TENM1: variants seen among roughly 807,000 people sequenced by gnomAD.
The protein encoded by TENM1 is teneurin-1.
Under a neutral mutation model 174.8 loss-of-function variants are expected in TENM1, and 35 were observed. The observed-to-expected ratio is 0.20, with a 90% CI of 0.15 to 0.27. TENM1 has a LOEUF of 0.27. Ranked by LOEUF, TENM1 falls within the 10% of genes least tolerant of loss-of-function variation. The pLI is 1.00. For missense variants in TENM1, 1,633 were observed against 2,130.1 expected (o/e 0.77, Z 4.59); for synonymous variants, 781 against 798.7 (o/e 0.98, Z 0.37).
intron 11 of TENM1, among the ~76,000 whole-genome samples, chrX:124,609,556 A>G (rs985167766): frequency 8.9e-6 from 1 of 111,984 alleles, no homozygotes; most frequent in African/African-American, 3.2e-5. Flanking sequence ...TCAAAACTGT[A>G]GCAATACCAA....
At chrX:125,079,902 A>G in the TENM1 span, among the ~76,000 whole-genome samples, 4 of 111,678 alleles carry the variant, frequency 3.6e-5, no homozygotes, top group South Asian at 1.5e-3. Flanking sequence ...ACTCGCCTCC[A>G]AATTCTCTCT....
chrX:124,402,465 A>C (rs2060411077), intron 27 of TENM1, among the ~76,000 whole-genome samples: 1 of 112,144 alleles, frequency 8.9e-6, no homozygotes, highest in South Asian at 3.7e-4. Context: ...ATTAGTACTA[A>C]CTAAACACTT....
chrX:124,565,832 T>C (rs972361140), intron 11 of TENM1, among the ~76,000 whole-genome samples: 3 of 111,328 alleles, frequency 2.7e-5, no homozygotes, highest in South Asian at 7.5e-4. Context: ...AAAATGTTAA[T>C]AAACAATTTA....
chrX:125,203,406 A>G, the TENM1 span, among the ~76,000 whole-genome samples: 3 of 112,279 alleles, frequency 2.7e-5, no homozygotes, highest in Non-Finnish European at 5.6e-5. Context: ...TGTTAGAGTG[A>G]CTGGGCTCTG....
At chrX:124,829,652 T>C (rs766419510) in intron 3 of TENM1, among the ~76,000 whole-genome samples, 10 of 112,011 alleles carry the variant, frequency 8.9e-5, no homozygotes, top group African/African-American at 1.9e-4. Flanking sequence ...CATAGACTAG[T>C]GGCCTCTACT....
chrX:125,091,243 A>G, the TENM1 span, among the ~76,000 whole-genome samples: 1 of 111,704 alleles, frequency 9.0e-6, no homozygotes, highest in Non-Finnish European at 1.9e-5. Flanking sequence ...GCTTGATAAC[A>G]TTTTAAAGAC....
At chrX:124,710,149 C>A (rs777112826) in intron 4 of TENM1, among the ~76,000 whole-genome samples, 1 of 110,529 alleles carries the variant, frequency 9.0e-6, no homozygotes, top group Non-Finnish European at 1.9e-5. Context: ...GTTTTTTTCC[C>A]CTTTGACCAT....
At chrX:124,519,935 G>A (rs2047803013) in intron 18 of TENM1, among the ~76,000 whole-genome samples, 1 of 111,575 alleles carries the variant, frequency 9.0e-6, no homozygotes, top group African/African-American at 3.3e-5. Flanking sequence ...CCTTTTGTCT[G>A]GGAGAATTAA....
At chrX:124,780,008 A>G (rs2054871989) in intron 3 of TENM1, among the ~76,000 whole-genome samples, 1 of 111,043 alleles carries the variant, frequency 9.0e-6, no homozygotes, top group East Asian at 2.8e-4. Context: ...AAAACACAAA[A>G]GAGGTTTTAG....
chrX:125,040,921 G>T, the TENM1 span, among the ~76,000 whole-genome samples: 2 of 111,250 alleles, frequency 1.8e-5, no homozygotes, highest in Admixed American at 1.9e-4. Context: ...GTAATCTTCT[G>T]GAGTTGGAAG....
intron 3 of TENM1, among the ~76,000 whole-genome samples, chrX:124,737,954 G>C (rs943106243): frequency 1.8e-5 from 2 of 112,026 alleles, no homozygotes; most frequent in Admixed American, 9.4e-5. Context: ...GTTTGCAGAG[G>C]GGCAGCCTGG....
chrX:124,820,751 G>A (rs1362906027), intron 3 of TENM1, among the ~76,000 whole-genome samples: 1 of 112,203 alleles, frequency 8.9e-6, no homozygotes, highest in African/African-American at 3.2e-5. Flanking sequence ...GTAAACTAAG[G>A]CCTAGAGAGA....
At position 124,475,206 on chromosome X, in the gene TENM1, C is replaced by T. The variant is rs767001598; in HGVS notation, c.3949+6526G>A. Reference sequence around the variant, plus strand: ...ATCAAGATGAAGAATCATCACTCTTCTAGCTTCTCCTACTACAAACTGATC... The same window carrying T: ...ATCAAGATGAAGAATCATCACTCTTTTAGCTTCTCCTACTACAAACTGATC... On this transcript the variant is annotated intron_variant, in intron 22 of 31. Transcript: ENST00000422452. Among the ~76,000 whole-genome samples the T allele has an allele frequency of 2.7e-5, 3 of 111,098 alleles. No individual in the cohort carries two copies. The South Asian group carries it at 1.2e-3, about 43-fold the overall frequency.
intron 23 of TENM1, among the ~76,000 whole-genome samples, chrX:124,432,016 T>C (rs896745461): frequency 8.9e-6 from 1 of 112,232 alleles, no homozygotes; most frequent in Non-Finnish European, 1.9e-5. Flanking sequence ...GCAGAGGATA[T>C]AGATTAAATT....
At chrX:125,127,320 A>G in the TENM1 span, among the ~76,000 whole-genome samples, 1 of 111,816 alleles carries the variant, frequency 8.9e-6, no homozygotes, top group Non-Finnish European at 1.9e-5. Context: ...TATGGCAGGA[A>G]AACAGTTTTG....
intron 23 of TENM1, among the ~76,000 whole-genome samples, chrX:124,430,509 G>GA (rs2060768954): frequency 8.9e-6 from 1 of 112,035 alleles, no homozygotes; most frequent in African/African-American, 3.2e-5. Flanking sequence ...AATTAGATAG[G>GA]AAAAAATACA....
At chrX:124,413,166 G>A (rs1203589446) in intron 25 of TENM1, among the ~76,000 whole-genome samples, 1 of 112,032 alleles carries the variant, frequency 8.9e-6, no homozygotes, top group Non-Finnish European at 1.9e-5. Flanking sequence ...GTGGCAATGA[G>A]TCTTGGAAGG....
chrX:124,697,706 C>G (rs961655985), intron 5 of TENM1, among the ~76,000 whole-genome samples: 4 of 111,220 alleles, frequency 3.6e-5, no homozygotes, highest in Admixed American at 9.6e-5. Flanking sequence ...TACATTTTAA[C>G]ATAAATGACA....
At chrX:124,640,890 G>A (rs1415847143) in intron 11 of TENM1, among the ~76,000 whole-genome samples, 1 of 106,475 alleles carries the variant, frequency 9.4e-6, no homozygotes, top group African/African-American at 3.5e-5. Context: ...GAACCTGGGA[G>A]GCGGAGGTTG....
Sources: gnomAD v4.1 joint callset for allele counts (sites outside exome capture counted in the v4.1 genomes callset) on GRCh38, gnomAD v4.1.1 for gene constraint, MANE v1.5 for transcripts, NCBI Gene and HGNC (gene_info 2026-07-23, HGNC 2026-07-21) for gene names.